PLSCR1: variants seen among roughly 807,000 people sequenced by gnomAD.
The protein encoded by PLSCR1 is PL scramblase 1.
Under a neutral mutation model 37.8 loss-of-function variants are expected in PLSCR1, and 17 were observed. The ratio of observed to expected loss-of-function variants is 0.45; its 90% CI spans 0.31 to 0.68. PLSCR1 has a LOEUF of 0.68. Ranked by LOEUF, PLSCR1 falls within the 30% of genes least tolerant of loss-of-function variation. The pLI, the probability that PLSCR1 is intolerant of heterozygous loss-of-function variation, is 0.06. For synonymous variants in PLSCR1, 116 were observed against 125.9 expected (o/e 0.92, Z 0.53); for missense variants, 347 against 380.9 (o/e 0.91, Z 0.74).
chr3:146,528,293 T>C, intron 4 of PLSCR1: 1 of 321,650 alleles, frequency 3.1e-6, no homozygotes, highest in Non-Finnish European at 5.9e-6. Context: ...GTAGCACCTA[T>C]ACATCACAGA....
chr3:146,529,121 TAGAGTC>T (rs1171562719), intron 3 of PLSCR1, among the ~76,000 whole-genome samples: 1 of 152,180 alleles, frequency 6.6e-6, no homozygotes, highest in Non-Finnish European at 1.5e-5. Context: ...AACCATGATC[TAGAGTC>T]ACCTACATAA....
At chr3:146,525,312 G>C (rs1460169685) in intron 5 of PLSCR1, among the ~76,000 whole-genome samples, 1 of 152,208 alleles carries the variant, frequency 6.6e-6, no homozygotes, top group Non-Finnish European at 1.5e-5. Flanking sequence ...AATAGCTTAA[G>C]TGGTAGAAGT....
intron 1 of PLSCR1, among the ~76,000 whole-genome samples, chr3:146,541,908 C>G (rs996871835): frequency 1.3e-5 from 2 of 152,176 alleles, no homozygotes. Context: ...CTCTCTCTTG[C>G]TGTCTTGCCC....
At position 146,516,650 on chromosome 3, in the gene PLSCR1, C is replaced by A. The variant is rs1402192124; in HGVS notation, c.900+356G>T. 1.6e-5 allele frequency: 3 copies of A among 182,396 alleles called. No homozygotes were observed. In the East Asian group the frequency reaches 5.0e-4, roughly 30 times the overall value. 11.3% of individuals were successfully genotyped at this position (182,396 alleles called of 1,614,324 possible). A position where few individuals can be genotyped will look rare whatever the true frequency, so the allele number is the denominator to read the frequency against. On this transcript the variant is annotated intron_variant, in intron 8 of 8. Transcript: ENST00000342435. Reference sequence around the variant, plus strand: ...ATGGTTTAATTTAATTACTATGAGTCATGGTAAAGTTTCCTTGTTTCACTA... The same window carrying A: ...ATGGTTTAATTTAATTACTATGAGTAATGGTAAAGTTTCCTTGTTTCACTA...
At chr3:146,524,637 T>A (rs370173802) in intron 5 of PLSCR1, among the ~76,000 whole-genome samples, 8 of 152,064 alleles carry the variant, frequency 5.3e-5, no homozygotes, top group Admixed American at 2.6e-4. Context: ...ATATATACTA[T>A]AAAACATTAA....
chr3:146,531,782 T>C (rs112241886), intron 3 of PLSCR1, among the ~76,000 whole-genome samples: 101 of 152,332 alleles, frequency 6.6e-4, no homozygotes, highest in African/African-American at 2.3e-3. Context: ...CTCTGAGGCT[T>C]TGAGGTACTG....
chr3:146,540,994 G>T (rs1231126954), intron 1 of PLSCR1: 3 of 152,088 alleles, frequency 2.0e-5, no homozygotes, highest in African/African-American at 7.2e-5. Flanking sequence ...TTTGGTAAAA[G>T]TTAAGCTTAG....
At position 146,528,808 on chromosome 3, in the gene PLSCR1, G is replaced by C; in HGVS notation, c.118C>G (p.Pro40Ala). The part of the protein sequence containing the change: ...FQGPPGYSGY[P>A]GPQVSYPPPP... ...GGTGGGTAGCTGACCTGGGGCCCAGGGTAGCCACTATATCCTGGAGGTCCT... is the reference window on the plus strand; with the variant it reads ...GGTGGGTAGCTGACCTGGGGCCCAGCGTAGCCACTATATCCTGGAGGTCCT... Residue 40 changes from proline (P) to alanine (A), a missense_variant, in exon 4 of 9, where the codon CCT (proline) becomes GCT (alanine). Coordinates refer to ENST00000342435, the MANE Select transcript of PLSCR1 (RefSeq NM_021105.3). 6.2e-7 allele frequency: 1 copy of C among 1,613,050 alleles called. No individual in the cohort carries two copies. Among genetic ancestry groups the C allele is most frequent in the Non-Finnish European group, 8.5e-7 (1 of 1,179,752 alleles).
chr3:146,529,116 T>C (rs1184416438), intron 3 of PLSCR1, among the ~76,000 whole-genome samples: 2 of 152,160 alleles, frequency 1.3e-5, no homozygotes, highest in African/African-American at 2.4e-5. Context: ...TAAATAACCA[T>C]GATCTAGAGT....
At chr3:146,539,190 G>A (rs183158607) in intron 1 of PLSCR1, among the ~76,000 whole-genome samples, 2 of 152,332 alleles carry the variant, frequency 1.3e-5, no homozygotes, top group East Asian at 3.9e-4. Flanking sequence ...GACAGTGACC[G>A]ATCATCAGGC....
At chr3:146,520,508 T>G (rs978180352) in intron 7 of PLSCR1, among the ~76,000 whole-genome samples, 16 of 152,174 alleles carry the variant, frequency 1.1e-4, no homozygotes, top group African/African-American at 3.6e-4. Context: ...ATACACACAT[T>G]ATATAATCCC....
intron 8 of PLSCR1, chr3:146,516,406 AC>A: frequency 4.2e-6 from 1 of 240,266 alleles, no homozygotes; most frequent in Admixed American, 5.6e-5. Context: ...TTGGCTGCAT[AC>A]TGGAATCACC....
At chr3:146,542,043 T>C (rs536093615) in intron 1 of PLSCR1, among the ~76,000 whole-genome samples, 7 of 152,366 alleles carry the variant, frequency 4.6e-5, no homozygotes, top group African/African-American at 7.2e-5. Context: ...TTATTTTTAC[T>C]GTACCCTTTC....
chr3:146,539,146 C>T (rs760954148), intron 1 of PLSCR1, among the ~76,000 whole-genome samples: 10 of 152,150 alleles, frequency 6.6e-5, no homozygotes, highest in Admixed American at 1.3e-4. Flanking sequence ...CTTGTTTTCC[C>T]GCAACTAGAC....
chr3:146,530,529 G>A (rs570484332), intron 3 of PLSCR1, among the ~76,000 whole-genome samples: 406 of 152,256 alleles, frequency 2.7e-3, no homozygotes, highest in African/African-American at 9.5e-3. Flanking sequence ...GAATGTATGC[G>A]AGCGAGGGCA....
chr3:146,517,481 T>C (rs1245316045), intron 7 of PLSCR1: 3 of 156,946 alleles, frequency 1.9e-5, no homozygotes, highest in South Asian at 4.1e-4. Flanking sequence ...ATATGAAATG[T>C]TTCTTTGATG....
At chr3:146,517,684 A>G (rs1263844051) in intron 7 of PLSCR1, among the ~76,000 whole-genome samples, 1 of 152,242 alleles carries the variant, frequency 6.6e-6, no homozygotes, top group Admixed American at 6.5e-5. Context: ...GCAAATACCA[A>G]TAAGTAACTT....
intron 3 of PLSCR1, among the ~76,000 whole-genome samples, 167 bp downstream of exon 3, chr3:146,533,303 A>G (rs1356596340): frequency 6.6e-6 from 1 of 152,208 alleles, no homozygotes; most frequent in Non-Finnish European, 1.5e-5. Flanking sequence ...AATAATCAAG[A>G]ACAACTAGGC....
chr3:146,528,546 C>T (rs1484308891), intron 4 of PLSCR1, 68 bp downstream of exon 4: 23 of 1,237,758 alleles, frequency 1.9e-5, no homozygotes, highest in Non-Finnish European at 2.7e-5. Flanking sequence ...TATTCATTTG[C>T]TAATCTGGTT....
Sources: gnomAD v4.1 joint callset for allele counts (sites outside exome capture counted in the v4.1 genomes callset) on GRCh38, gnomAD v4.1.1 for gene constraint, MANE v1.5 for transcripts, NCBI Gene and HGNC (gene_info 2026-07-23, HGNC 2026-07-21) for gene names.